The following SAMD12 variants were observed in gnomAD, a reference collection of about 807,000 sequenced individuals.
The protein encoded by SAMD12 is sterile alpha motif domain containing 12, also known as sterile alpha motif domain-containing protein 12.
SAMD12 carries 9 observed loss-of-function variants against 15.0 expected under a neutral mutation model. That is an observed-to-expected ratio of 0.60 (90% confidence interval 0.36 to 1.05). The LOEUF is 1.05. Among genes scored for constraint, SAMD12 ranks in the 50% least tolerant of loss-of-function variants. SAMD12 has a pLI of 0.01. For synonymous variants in SAMD12, 86 were observed against 90.1 expected, an observed-to-expected ratio of 0.96 and a Z score of 0.25; for missense variants, 230 against 234.2, an observed-to-expected ratio of 0.98 and a Z score of 0.12.
At chr8:118,235,474 G>T (rs1812409212) in intron 4 of SAMD12, among the ~76,000 whole-genome samples, 1 of 152,068 alleles carries the variant, frequency 6.6e-6, no homozygotes. Context: ...CTCCCAAAGT[G>T]CTGGGATTAC....
At chr8:118,276,166 A>G (rs1277560342) in intron 4 of SAMD12, among the ~76,000 whole-genome samples, 1 of 152,202 alleles carries the variant, frequency 6.6e-6, no homozygotes, top group Non-Finnish European at 1.5e-5. Context: ...TATAAGGCCA[A>G]CCTTCTTCCT....
chr8:118,188,546 G>A (rs574786282), downstream of SAMD12, among the ~76,000 whole-genome samples: 100 of 152,194 alleles, frequency 6.6e-4, no homozygotes, highest in African/African-American at 2.3e-3. Flanking sequence ...AATAAAAAAG[G>A]CAATGGGTGT....
chr8:118,400,299 G>C (rs1820804124), intron 3 of SAMD12: 1 of 152,160 alleles, frequency 6.6e-6, no homozygotes, highest in Non-Finnish European at 1.5e-5. Flanking sequence ...AAGCAAACTG[G>C]TTAAGGATCC....
At chr8:118,237,326 T>C (rs925954595) in intron 4 of SAMD12, among the ~76,000 whole-genome samples, 1 of 152,166 alleles carries the variant, frequency 6.6e-6, no homozygotes, top group Admixed American at 6.5e-5. Flanking sequence ...ATGAGTTACG[T>C]AGAGCATATT....
At chr8:118,199,663 A>G (rs1453153614) in intron 4 of SAMD12, among the ~76,000 whole-genome samples, 1 of 152,212 alleles carries the variant, frequency 6.6e-6, no homozygotes, top group Non-Finnish European at 1.5e-5. Context: ...AATGGTCTCT[A>G]GTAGCTGAGA....
the SAMD12 span, among the ~76,000 whole-genome samples, chr8:118,144,099 G>C: frequency 6.6e-6 from 1 of 151,944 alleles, no homozygotes; most frequent in Non-Finnish European, 1.5e-5. Context: ...TTCTGCCTCC[G>C]TGGTCATGTT....
At chr8:118,213,439 G>A (rs897225538) in intron 4 of SAMD12, among the ~76,000 whole-genome samples, 3 of 152,198 alleles carry the variant, frequency 2.0e-5, no homozygotes, top group African/African-American at 7.2e-5. Context: ...AATATCAGCA[G>A]CCACCGCAGC....
At chr8:118,478,697 C>T (rs1824037111) in intron 2 of SAMD12, among the ~76,000 whole-genome samples, 1 of 152,206 alleles carries the variant, frequency 6.6e-6, no homozygotes, top group African/African-American at 2.4e-5. Context: ...TCTGGGCTGC[C>T]TCTCTATGTC....
intron 2 of SAMD12, among the ~76,000 whole-genome samples, chr8:118,550,840 C>T (rs1826307907): frequency 6.6e-6 from 1 of 150,784 alleles, no homozygotes; most frequent in South Asian, 2.1e-4. Context: ...GAAGATCTAC[C>T]AAGCAAATGG....
chr8:118,268,885 C>G lies in SAMD12; in HGVS notation c.434-71153G>C, dbSNP rs528786884. ...CTTCCTGGGGAAGTCTCTCCTGGAG[C>G]CTTGCTCTCAGATATGACTGGTGAA... On this transcript the variant is annotated intron_variant, in intron 4 of 4. Coordinates refer to the SAMD12 transcript ENST00000409003. 3.0e-4 allele frequency among the ~76,000 whole-genome samples: 45 copies of G among 152,264 alleles called. 1 individual carries two copies. The highest frequency in any genetic ancestry group is 3.4e-3 in the Middle Eastern group (1 of 294).
chr8:118,397,128 T>C (rs1820612833), intron 3 of SAMD12, among the ~76,000 whole-genome samples: 1 of 152,228 alleles, frequency 6.6e-6, no homozygotes, highest in South Asian at 2.1e-4. Context: ...AGTGGGCATG[T>C]TGCTATACAG....
intron 2 of SAMD12, among the ~76,000 whole-genome samples, chr8:118,460,905 C>T (rs1359322046): frequency 6.6e-6 from 1 of 152,166 alleles, no homozygotes; most frequent in Non-Finnish European, 1.5e-5. Flanking sequence ...CACCAACTTA[C>T]CTTCTCAGCT....
At chr8:118,554,888 G>A (rs1313994293) in intron 2 of SAMD12, among the ~76,000 whole-genome samples, 1 of 152,070 alleles carries the variant, frequency 6.6e-6, no homozygotes, top group Non-Finnish European at 1.5e-5. Context: ...TTTCAGACAC[G>A]TCAACCACAT....
intron 2 of SAMD12, among the ~76,000 whole-genome samples, chr8:118,568,737 A>T (rs1217788700): frequency 1.3e-5 from 2 of 152,172 alleles, no homozygotes; most frequent in African/African-American, 4.8e-5. Context: ...TTATTATTGG[A>T]GAGGAGGAAA....
exon 5 of SAMD12, chr8:118,190,883 A>G (rs1036172283): frequency 7.9e-5 from 12 of 152,194 alleles, no homozygotes; most frequent in Non-Finnish European, 1.0e-4. Flanking sequence ...GAGCAGTGTC[A>G]ATCTCCACAA....
rs146870233 is a variant in SAMD12, at chr8:118,296,151, G to T, written c.433+83409C>A. 3.0e-3 allele frequency among the ~76,000 whole-genome samples: 455 copies of T among 152,266 alleles called. 2 individuals are homozygous for T. The highest frequency in any genetic ancestry group is 6.8e-3 in the Middle Eastern group (2 of 294). The stretch of plus-strand genomic sequence containing the variant: ...CATTCACAATAAACCTACCAGAAAA[G>T]CATAACCATGCCCACATCACTGGTA... On this transcript the variant is annotated intron_variant, in intron 4 of 4. Coordinates refer to the SAMD12 transcript ENST00000409003.
intron 4 of SAMD12, among the ~76,000 whole-genome samples, chr8:118,304,973 AC>A (rs1158276270): frequency 6.7e-6 from 1 of 149,038 alleles, no homozygotes; most frequent in African/African-American, 2.5e-5. Flanking sequence ...ACATTGTAAA[AC>A]CCTGTCTCTA....
the SAMD12 span, among the ~76,000 whole-genome samples, chr8:118,161,350 A>C: frequency 6.6e-6 from 1 of 151,722 alleles, no homozygotes; most frequent in Non-Finnish European, 1.5e-5. Context: ...TTGGGAGGCT[A>C]AGGTGGGAGG....
intron 1 of SAMD12, among the ~76,000 whole-genome samples, chr8:118,616,682 TTC>T (rs1480805870): frequency 1.3e-5 from 2 of 152,206 alleles, no homozygotes; most frequent in African/African-American, 4.8e-5. Flanking sequence ...GGAGCCCATG[TTC>T]TCTCTGCTCT....
Sources: gnomAD v4.1 joint callset for allele counts (sites outside exome capture counted in the v4.1 genomes callset) on GRCh38, gnomAD v4.1.1 for gene constraint, MANE v1.5 for transcripts, NCBI Gene and HGNC (gene_info 2026-07-23, HGNC 2026-07-21) for gene names.